Variants in ASH2L observed in about 807,000 individuals in gnomAD.
ASH2L encodes the protein set1/Ash2 histone methyltransferase complex subunit ASH2.
ASH2L carries 30 observed loss-of-function variants against 81.1 expected under a neutral mutation model. The ratio of observed to expected loss-of-function variants is 0.37; its 90% confidence interval spans 0.28 to 0.50. ASH2L has a LOEUF of 0.50. Ranked by LOEUF, ASH2L falls within the 20% of genes least tolerant of loss-of-function variation. ASH2L has a pLI of 0.95. For synonymous variants in ASH2L, 273 were observed against 279.9 expected (o/e 0.98, Z 0.24); for missense variants, 559 against 792.1 (o/e 0.71, Z 3.53).
At position 38,112,344 on chromosome 8, in the gene ASH2L, T is replaced by A. The variant is rs796721235; in HGVS notation, c.585+1511T>A. Among the ~76,000 whole-genome samples, 3 of 151,114 alleles carry A rather than the reference T, an allele frequency of 2.0e-5. 1 individual carries two copies. The highest frequency in any genetic ancestry group is 4.9e-5 in the African/African-American group (2 of 40,992). On this transcript the variant is annotated intron_variant, in intron 5 of 15. Coordinates refer to ENST00000343823, the MANE Select transcript of ASH2L (RefSeq NM_004674.5). ...TATTTATTTATTTAATGAATTAAAA[T>A]TTTTTAAGTGCTTAGGCAGTTGTTT...
intron 8 of ASH2L, chr8:38,117,445 C>CT: frequency 3.0e-6 from 3 of 985,324 alleles, no homozygotes; most frequent in Non-Finnish European, 2.4e-6. Context: ...CACTTCTGTT[C>CT]TTACAGGTGG....
intron 10 of ASH2L, among the ~76,000 whole-genome samples, chr8:38,122,012 C>G (rs1165843974): frequency 6.6e-6 from 1 of 152,158 alleles, no homozygotes; most frequent in Admixed American, 6.5e-5. Flanking sequence ...TGGATATTGT[C>G]TGCAACAATT....
Position 38,121,146 on chromosome 8 carries a change from C to G in ASH2L, c.1162C>G (p.Arg388Gly). The stretch of plus-strand genomic sequence containing the variant: ...ACGGGTTTTGTTAGCCCTACATGAT[C>G]GAGGTATGTAAAGTATTGGAGATCA... ...YERVLLALHD[R>G]APQLKISDDR... is the part of the protein sequence containing the mutation. The change falls in exon 10 of 16, where the codon CGA becomes GGA. Residue 388 changes from arginine (R) to glycine (G), a missense_variant. Coordinates refer to ENST00000343823, the MANE Select transcript of ASH2L (RefSeq NM_004674.5). 6.2e-7 allele frequency: 1 copy of G among 1,612,250 alleles called. No homozygotes were observed. Among genetic ancestry groups the G allele is most frequent in the Non-Finnish European group, 8.5e-7 (1 of 1,179,328 alleles).
chr8:38,131,493 A>G (rs995037433), intron 12 of ASH2L, among the ~76,000 whole-genome samples: 1 of 152,200 alleles, frequency 6.6e-6, no homozygotes, highest in African/African-American at 2.4e-5. Context: ...AAAAAATACA[A>G]AAATTAGTTG....
Position 38,138,032 on chromosome 8 carries a change from C to G in ASH2L, c.1720-784C>G, listed in dbSNP as rs1025843242. ...GTGGCTCACGGCAGTAATCCCAACA[C>G]TTTGGGAGGCCAATATAAGAGAATC... On this transcript the variant is annotated intron_variant, in intron 14 of 15. Coordinates refer to ENST00000343823, the MANE Select transcript of ASH2L (RefSeq NM_004674.5). 6 of 152,148 alleles carry G rather than the reference C, an allele frequency of 3.9e-5. No individual in the cohort carries two copies. In the East Asian group the frequency reaches 1.2e-3, roughly 29 times the overall value. The allele number at this position is 152,148 out of a possible 1,614,324, so 9.4% of individuals were successfully genotyped here.
At chr8:38,116,788 A>C in intron 8 of ASH2L, 63 bp downstream of exon 8, 3 of 1,398,664 alleles carry the variant, frequency 2.1e-6, no homozygotes, top group Non-Finnish European at 3.0e-6. Context: ...TTGTGCCTAG[A>C]ACTGGCCATT....
In ASH2L at chr8:38,135,291, T is replaced by A. The variant is rs771145790; in HGVS notation, c.1621-377T>A. On this transcript the variant is annotated intron_variant, in intron 13 of 15. Coordinates refer to ENST00000343823, the MANE Select transcript of ASH2L (RefSeq NM_004674.5). Reference sequence around the variant, plus strand: ...AGTGAGATCTGTCTCTATAAAAAAATTTTAAAAATTAGCTGGATATGGTGG... The same window carrying A: ...AGTGAGATCTGTCTCTATAAAAAAAATTTAAAAATTAGCTGGATATGGTGG... Among the ~76,000 whole-genome samples the A allele has an allele frequency of 3.3e-5, 5 of 152,092 alleles. No homozygotes were observed. In the East Asian group the frequency reaches 5.8e-4, roughly 18 times the overall value.
rs1390971622 is a variant in ASH2L at position 38,105,630 on chromosome 8, C to T, written c.80C>T (p.Ala27Val). 1 of 1,605,684 alleles carries T rather than the reference C, an allele frequency of 6.2e-7. No individual in the cohort carries two copies. The highest frequency in any genetic ancestry group is 1.7e-5 in the Admixed American group (1 of 58,522). ...GPGAVANATG[A>V]EEGEMKPVAA... ...GGAGCGGTCGCAAATGCAACAGGGG[C>T]AGAAGAGGGGGAGATGAAGCCGGTG... The change falls in exon 1 of 16, where the codon GCA becomes GTA. Residue 27 changes from alanine to valine, a missense_variant. Ala to Val is a moderately conservative substitution (Grantham distance 64). Around this residue, in one of 4 missense-constraint regions of ASH2L, gnomAD observed 145 missense variants for 115.5 expected, o/e 1.26. Transcript: ENST00000343823.
chr8:38,137,069 G>T (rs1802284702), intron 14 of ASH2L, among the ~76,000 whole-genome samples: 1 of 151,106 alleles, frequency 6.6e-6, no homozygotes. Flanking sequence ...CTCCAGCCTG[G>T]GCAATAGAGT....
intron 6 of ASH2L, 85 bp from the exon 7 acceptor site, chr8:38,114,820 G>A (rs1810827928): frequency 1.2e-6 from 1 of 867,560 alleles, no homozygotes; most frequent in Non-Finnish European, 1.8e-6. Context: ...CCTAGGAATT[G>A]ACTTTTAGAG....
At position 38,139,216 on chromosome 8, in the gene ASH2L, G is replaced by A. The variant is rs182245955; in HGVS notation, c.*145G>A. 6.2e-4 allele frequency: 387 copies of A among 628,172 alleles called. No individual in the cohort carries two copies. Among genetic ancestry groups the A allele is most frequent in the African/African-American group, 5.9e-3 (325 of 54,640 alleles). 38.9% of individuals were successfully genotyped at this position (628,172 alleles called of 1,614,324 possible). ...AAGTTAAAAGGCTGGGTAGGACTGCGGGAGACTGCCTGCCTTTCACCATTT... is the reference window on the plus strand; with the variant it reads ...AAGTTAAAAGGCTGGGTAGGACTGCAGGAGACTGCCTGCCTTTCACCATTT... On this transcript the variant is annotated 3_prime_UTR_variant, in exon 16 of 16. Coordinates refer to ENST00000343823, the MANE Select transcript of ASH2L (RefSeq NM_004674.5).
At chr8:38,128,523 T>G (rs1801944544) in intron 11 of ASH2L, 65 bp downstream of exon 11, 1 of 1,572,332 alleles carries the variant, frequency 6.4e-7, no homozygotes, top group African/African-American at 1.4e-5. Flanking sequence ...GGCCAAGGGC[T>G]AAGGCTTCAA....
chr8:38,112,900 C>A (rs1324700459), intron 5 of ASH2L, among the ~76,000 whole-genome samples: 1 of 151,672 alleles, frequency 6.6e-6, no homozygotes, highest in Admixed American at 6.6e-5. Context: ...CATTCTTTTT[C>A]TTCCCTTTTA....
At chr8:38,106,670 GCTT>G (rs1273151196) in intron 2 of ASH2L, among the ~76,000 whole-genome samples, 1 of 151,746 alleles carries the variant, frequency 6.6e-6, no homozygotes, top group African/African-American at 2.4e-5. Flanking sequence ...AACACACCTG[GCTT>G]CTTTTTTTTG....
intron 3 of ASH2L, among the ~76,000 whole-genome samples, chr8:38,107,868 ATGTGTGTGTGTGTGTGTGTG>A (rs10542885): frequency 1.5e-4 from 21 of 141,396 alleles, no homozygotes; most frequent in African/African-American, 4.4e-4. Context: ...AAATACATAT[ATGTGTGTGTGTGTGTGTGTG>A]TGTGTGTGTG....
intron 13 of ASH2L, among the ~76,000 whole-genome samples, chr8:38,134,336 A>C (rs923891946): frequency 3.3e-5 from 5 of 151,436 alleles, no homozygotes; most frequent in African/African-American, 1.2e-4. Flanking sequence ...AAAAAAAAAT[A>C]GTGGCCTGTT....
chr8:38,105,825 C>T, intron 1 of ASH2L, 87 bp downstream of exon 1: 2 of 1,460,368 alleles, frequency 1.4e-6, no homozygotes, highest in South Asian at 1.4e-5. Context: ...GCCGCCCGCC[C>T]CCTGCGAACC....
At chr8:38,111,682 G>A (rs149752358) in intron 5 of ASH2L, among the ~76,000 whole-genome samples, 82 of 152,186 alleles carry the variant, frequency 5.4e-4, no homozygotes, top group African/African-American at 1.5e-3. Context: ...CACTGCACCC[G>A]GCCCATTTCT....
chr8:38,130,577 T>C (rs1233838460), intron 12 of ASH2L, among the ~76,000 whole-genome samples: 1 of 152,148 alleles, frequency 6.6e-6, no homozygotes, highest in African/African-American at 2.4e-5. Flanking sequence ...CTTTTACACA[T>C]AGGTGTCTGA....
Sources: gnomAD v4.1 joint callset for allele counts (sites outside exome capture counted in the v4.1 genomes callset) on GRCh38, gnomAD v4.1.1 for gene constraint, gnomAD v4.1.1 regional missense constraint, MANE v1.5 for transcripts, NCBI Gene and HGNC (gene_info 2026-07-23, HGNC 2026-07-21) for gene names.